The following UTRN variants were observed in gnomAD, a reference collection of about 807,000 sequenced individuals.
UTRN encodes the protein dystrophin-related protein 1.
UTRN carries 283 observed loss-of-function variants against 463.9 expected under a neutral mutation model. That is an observed-to-expected ratio of 0.61 (90% CI 0.55 to 0.67). The LOEUF (loss-of-function observed/expected upper bound fraction) is 0.67, where lower values mean the gene tolerates loss of function less well. Among genes scored for constraint, UTRN ranks in the 30% least tolerant of loss-of-function variants. The probability of loss-of-function intolerance (pLI) is 0.00; values close to 1 mark genes in which losing one functional copy is unlikely to be tolerated. For synonymous variants in UTRN, 1,442 were observed against 1,431.5 expected (o/e 1.01, Z -0.17); for missense variants, 3,922 against 4,084.3 (o/e 0.96, Z 1.08).
In UTRN at chr6:144,459,334, G is replaced by A. The variant is rs115273171; in HGVS notation, c.2687G>A (p.Arg896His). The A allele has an allele frequency of 3.7e-5, 60 of 1,604,292 alleles. No homozygotes were observed. The African/African-American group carries it at 5.8e-4, about 15-fold the overall frequency. The change falls in exon 21 of 75, where the codon CGT becomes CAT. Residue 896 changes from arginine to histidine, a missense_variant. This residue lies in a region of UTRN where 2,349 missense variants were observed against 2,303.8 expected (regional missense o/e 1.02). Transcript: ENST00000367545. ...GCTGTACAAGAGGCTGTAGAGGATCGTCAACAACATCTAGAGAATGGTAAA... is the reference window on the plus strand; with the variant it reads ...GCTGTACAAGAGGCTGTAGAGGATCATCAACAACATCTAGAGAATGGTAAA... ...YQAVQEAVED[R>H]QQHLENELKG...
intron 51 of UTRN, among the ~76,000 whole-genome samples, chr6:144,611,327 C>T (rs1805500915): frequency 6.6e-6 from 1 of 152,190 alleles, no homozygotes; most frequent in African/African-American, 2.4e-5. Flanking sequence ...TGCCCACTAT[C>T]ACAACTTCTG....
intron 51 of UTRN, among the ~76,000 whole-genome samples, chr6:144,656,889 A>G (rs1779365309): frequency 6.6e-6 from 1 of 152,232 alleles, no homozygotes; most frequent in East Asian, 1.9e-4. Flanking sequence ...CTTTCAAATG[A>G]TCCCATATTC....
At chr6:144,563,852 G>C (rs557569402) in intron 50 of UTRN, among the ~76,000 whole-genome samples, 1 of 151,988 alleles carries the variant, frequency 6.6e-6, no homozygotes, top group Admixed American at 6.6e-5. Flanking sequence ...CAATGTCTTT[G>C]TGATAAATGC....
chr6:144,846,304 A>C (rs1447266247), intron 73 of UTRN, among the ~76,000 whole-genome samples: 1 of 152,236 alleles, frequency 6.6e-6, no homozygotes, highest in African/African-American at 2.4e-5. Flanking sequence ...AAGGACACTG[A>C]GGATTAGGCC....
At chr6:144,717,441 A>G (rs999776923) in intron 53 of UTRN, among the ~76,000 whole-genome samples, 1 of 152,142 alleles carries the variant, frequency 6.6e-6, no homozygotes. Flanking sequence ...ATACCTCCTT[A>G]GAGAATTGTT....
At chr6:144,698,043 T>G (rs1273499300) in intron 52 of UTRN, among the ~76,000 whole-genome samples, 1 of 152,228 alleles carries the variant, frequency 6.6e-6, no homozygotes, top group Non-Finnish European at 1.5e-5. Flanking sequence ...GACATCTGAT[T>G]TCTAGCTGGT....
chr6:144,826,556 G>C (rs899182123), intron 66 of UTRN, among the ~76,000 whole-genome samples: 20 of 152,120 alleles, frequency 1.3e-4, no homozygotes, highest in Admixed American at 4.6e-4. Context: ...ATTTCATGGA[G>C]ACTTGGGAAT....
chr6:144,370,263 C>T (rs1248006419), intron 2 of UTRN, among the ~76,000 whole-genome samples: 1 of 152,168 alleles, frequency 6.6e-6, no homozygotes, highest in Non-Finnish European at 1.5e-5. Context: ...TTTAGTGGGC[C>T]AGGCCCAGGG....
chr6:144,437,912 G>T (rs559089231), intron 11 of UTRN, among the ~76,000 whole-genome samples, 166 bp downstream of exon 11: 1 of 152,314 alleles, frequency 6.6e-6, no homozygotes, highest in East Asian at 1.9e-4. Context: ...CATGATCTTT[G>T]TTTCCCCTTT....
intron 9 of UTRN, among the ~76,000 whole-genome samples, chr6:144,433,943 C>G: frequency 6.6e-6 from 1 of 152,168 alleles, no homozygotes; most frequent in East Asian, 1.9e-4. Flanking sequence ...GACGGGGTGG[C>G]AGCCGGGCAG....
intron 14 of UTRN, 144 bp from the exon 15 acceptor site, chr6:144,447,067 C>T (rs1440608317): frequency 1.5e-6 from 1 of 645,266 alleles, no homozygotes; most frequent in Non-Finnish European, 2.7e-6. Context: ...ATTTGTGCCT[C>T]AGACTTAGGT....
chr6:144,430,629 C>CA (rs1363191288), intron 9 of UTRN, among the ~76,000 whole-genome samples: 1 of 152,094 alleles, frequency 6.6e-6, no homozygotes, highest in Non-Finnish European at 1.5e-5. Flanking sequence ...TTAAAACCAC[C>CA]AACTTCATAA....
rs1354957808 is a variant in UTRN, at chr6:144,342,345, A to T, written c.79+50438A>T. 5.7e-5 allele frequency among the ~76,000 whole-genome samples: 3 copies of T among 52,688 alleles called. No homozygotes were observed. In the Admixed American group the frequency reaches 5.7e-4, roughly 10 times the overall value. The allele number at this position is 52,688 out of a possible 152,430, so 34.6% of individuals were successfully genotyped here. ...ATTCTACTTCTGGGTACACACATAC[A>T]CACACACACACACACACACACACAC... is the stretch of plus-strand genomic sequence containing the variant. On this transcript the variant is annotated intron_variant, in intron 2 of 74. Coordinates refer to ENST00000367545, the MANE Select transcript of UTRN (RefSeq NM_007124.3).
At chr6:144,409,662 A>G (rs1783711109) in intron 3 of UTRN, among the ~76,000 whole-genome samples, 1 of 152,148 alleles carries the variant, frequency 6.6e-6, no homozygotes, top group South Asian at 2.1e-4. Flanking sequence ...CAGAGCAAGG[A>G]GACACTGGAC....
At chr6:144,489,027 G>T (rs1584987126) in intron 30 of UTRN, among the ~76,000 whole-genome samples, 193 bp downstream of exon 30, 11 of 148,354 alleles carry the variant, frequency 7.4e-5, no homozygotes, top group African/African-American at 2.8e-4. Context: ...GTCTTATATA[G>T]TTTATTTTAT....
chr6:144,743,335 G>A (rs13219714), intron 54 of UTRN, among the ~76,000 whole-genome samples: 66,330 of 152,006 alleles, frequency 0.44, 18,522 homozygotes, highest in East Asian at 0.79. Flanking sequence ...AACACTGGGC[G>A]AATTCTAATA....
chr6:144,796,488 C>G (rs1777225388), intron 63 of UTRN, among the ~76,000 whole-genome samples: 1 of 151,962 alleles, frequency 6.6e-6, no homozygotes, highest in African/African-American at 2.4e-5. Context: ...CTTTTTAAGA[C>G]AAGATTTTTA....
chr6:144,342,651 A>G (rs1777232736), intron 2 of UTRN, among the ~76,000 whole-genome samples: 2 of 152,212 alleles, frequency 1.3e-5, no homozygotes, highest in South Asian at 2.1e-4. Flanking sequence ...TTTCTTTTAT[A>G]TGAAATGTAC....
chr6:144,444,393 GT>G lies in UTRN; in HGVS notation c.1614+15del. On this transcript the variant is annotated intron_variant, in intron 14 of 74. Coordinates refer to ENST00000367545, the MANE Select transcript of UTRN (RefSeq NM_007124.3). ...TTATTGGAAGAACAGGTATGAAACTGTTTTCCATAAGGGGCAAAATAAATGG... is the reference window on the plus strand; with the variant it reads ...TTATTGGAAGAACAGGTATGAAACTGTTTCCATAAGGGGCAAAATAAATGG... 6.3e-7 allele frequency: 1 copy of G among 1,592,600 alleles called. No individual in the cohort carries two copies. The highest frequency in any genetic ancestry group is 8.6e-7 in the Non-Finnish European group (1 of 1,167,922).
Sources: allele counts gnomAD v4.1 joint callset (sites outside exome capture counted in the v4.1 genomes callset), GRCh38; gene constraint gnomAD v4.1.1; regional missense constraint gnomAD v4.1.1; transcripts MANE v1.5; gene names NCBI Gene and HGNC (gene_info 2026-07-23, HGNC 2026-07-21).